Variants in CTNNA3 observed in about 807,000 individuals in gnomAD.
The protein encoded by CTNNA3 is catenin alpha-3.
A neutral mutation model predicts 95.7 loss-of-function variants in CTNNA3; 76 were observed. The ratio of observed to expected loss-of-function variants is 0.79; its 90% CI spans 0.66 to 0.96. The LOEUF (loss-of-function observed/expected upper bound fraction) is 0.96. CTNNA3 is among the 40% of genes least tolerant of loss of function. The pLI is 0.00. For missense variants in CTNNA3, 1,191 were observed against 1,089.8 expected (o/e 1.09, Z -1.31); for synonymous variants, 431 against 374.4 (o/e 1.15, Z -1.74).
In CTNNA3 at chr10:65,984,162, T is replaced by G. The variant is rs181689070; in HGVS notation, c.2265+4530A>C. ...GCTAGAATGTATTATTTTTGAAATA[T>G]TAAATTGATCAAAAGAGAAAGCAAC... is the stretch of plus-strand genomic sequence containing the variant. On this transcript the variant is annotated intron_variant, in intron 16 of 17. Transcript: ENST00000433211. Among the ~76,000 whole-genome samples the G allele has an allele frequency of 2.4e-3, 361 of 151,492 alleles. 2 individuals carry two copies. The highest frequency in any genetic ancestry group is 8.4e-3 in the African/African-American group (347 of 41,526).
intron 14 of CTNNA3, among the ~76,000 whole-genome samples, chr10:66,087,906 T>C (rs1309809273): frequency 6.6e-6 from 1 of 152,050 alleles, no homozygotes; most frequent in Non-Finnish European, 1.5e-5. Context: ...GTAGCCTCTA[T>C]CAAAAGATAG....
At chr10:67,293,858 AT>A (rs1839932415) in intron 5 of CTNNA3, among the ~76,000 whole-genome samples, 1 of 151,972 alleles carries the variant, frequency 6.6e-6, no homozygotes, top group Admixed American at 6.5e-5. Context: ...ATCATTTTTT[AT>A]GGCTTTATAG....
intron 13 of CTNNA3, among the ~76,000 whole-genome samples, chr10:66,114,790 A>G (rs1394310008): frequency 6.6e-6 from 1 of 151,880 alleles, no homozygotes; most frequent in Non-Finnish European, 1.5e-5. Context: ...GAAGCAGGAG[A>G]ATCACTTGAA....
intron 17 of CTNNA3, among the ~76,000 whole-genome samples, chr10:65,924,405 C>G (rs1055222745): frequency 6.6e-6 from 1 of 152,088 alleles, no homozygotes; most frequent in Non-Finnish European, 1.5e-5. Context: ...CATCCTTGAT[C>G]CTACACTTAT....
At chr10:66,264,908 G>C (rs2091109596) in intron 13 of CTNNA3, among the ~76,000 whole-genome samples, 1 of 151,992 alleles carries the variant, frequency 6.6e-6, no homozygotes, top group Non-Finnish European at 1.5e-5. Context: ...ATAATACTAA[G>C]AGCAAGCAAA....
intron 1 of CTNNA3, chr10:67,750,923 G>A: frequency 1.2e-6 from 2 of 1,609,988 alleles, no homozygotes; most frequent in Non-Finnish European, 1.7e-6. Flanking sequence ...AGCCCCCTAG[G>A]CTCTCCGGAT....
chr10:66,897,384 T>A (rs1845542135), intron 7 of CTNNA3, among the ~76,000 whole-genome samples: 1 of 152,112 alleles, frequency 6.6e-6, no homozygotes, highest in South Asian at 2.1e-4. Flanking sequence ...TGTGCTTTAC[T>A]TTGAGGTTTT....
chr10:66,851,045 A>G (rs1445264767), intron 7 of CTNNA3, among the ~76,000 whole-genome samples: 1 of 152,122 alleles, frequency 6.6e-6, no homozygotes, highest in Non-Finnish European at 1.5e-5. Context: ...TGCCCTGTGA[A>G]AGAAAGTCCA....
At chr10:67,573,713 C>T (rs1208269722) in intron 3 of CTNNA3, among the ~76,000 whole-genome samples, 1 of 151,568 alleles carries the variant, frequency 6.6e-6, no homozygotes, top group Admixed American at 6.6e-5. Flanking sequence ...TTCCTCTCTC[C>T]CTCCCTCCCT....
At chr10:67,285,611 A>G (rs1459687323) in intron 5 of CTNNA3, among the ~76,000 whole-genome samples, 1 of 152,264 alleles carries the variant, frequency 6.6e-6, no homozygotes, top group Non-Finnish European at 1.5e-5. Flanking sequence ...TGAATTTTTA[A>G]AGTAACACTT....
intron 13 of CTNNA3, among the ~76,000 whole-genome samples, chr10:66,202,454 C>A (rs2087489502): frequency 6.6e-6 from 1 of 152,134 alleles, no homozygotes; most frequent in African/African-American, 2.4e-5. Flanking sequence ...TTTACTTTTC[C>A]TTTTTCTGTC....
At chr10:67,398,939 G>A (rs539956799) in intron 5 of CTNNA3, among the ~76,000 whole-genome samples, 5 of 152,302 alleles carry the variant, frequency 3.3e-5, no homozygotes, top group Admixed American at 6.5e-5. Context: ...TGAACTGTGA[G>A]TCAATTAAGC....
chr10:66,631,341 C>T (rs1312851083), intron 9 of CTNNA3, among the ~76,000 whole-genome samples: 4 of 152,106 alleles, frequency 2.6e-5, no homozygotes, highest in African/African-American at 4.8e-5. Flanking sequence ...AGCTATCAGG[C>T]AACGTTCCTA....
At chr10:66,265,500 T>C (rs963614392) in intron 13 of CTNNA3, among the ~76,000 whole-genome samples, 1 of 152,044 alleles carries the variant, frequency 6.6e-6, no homozygotes, top group African/African-American at 2.4e-5. Flanking sequence ...CTAGCATGTA[T>C]GAAAATGTCA....
intron 13 of CTNNA3, among the ~76,000 whole-genome samples, chr10:66,275,176 G>T (rs2091366481): frequency 6.6e-6 from 1 of 152,012 alleles, no homozygotes; most frequent in Non-Finnish European, 1.5e-5. Flanking sequence ...GGAGTGCAAT[G>T]GCATGATCTC....
At chr10:66,956,616 T>C (rs10762122) in intron 7 of CTNNA3, among the ~76,000 whole-genome samples, 41,900 of 152,128 alleles carry the variant, frequency 0.28, 6,072 homozygotes, top group Middle Eastern at 0.34. Context: ...TCAAAAGGCA[T>C]AATGCTGTCA....
At chr10:66,020,119 A>G (rs993678340) in intron 15 of CTNNA3, among the ~76,000 whole-genome samples, 8 of 152,198 alleles carry the variant, frequency 5.3e-5, no homozygotes, top group African/African-American at 1.9e-4. Flanking sequence ...CTGTATTTCA[A>G]TTGTGTCAAT....
chr10:67,587,407 T>G lies in CTNNA3; in HGVS notation c.292+19450A>C, dbSNP rs371181860. Among the ~76,000 whole-genome samples the G allele has an allele frequency of 2.2e-4, 33 of 152,194 alleles. No individual in the cohort carries two copies. In the East Asian group the frequency reaches 2.7e-3, roughly 12 times the overall value. On this transcript the variant is annotated intron_variant, in intron 3 of 17. Coordinates refer to ENST00000433211, the MANE Select transcript of CTNNA3 (RefSeq NM_013266.4). ...ATTTCTTGTAGGTCTGGTCTGGTGG[T>G]GATGAATTCTCTTAGCATCTGCTTG...
intron 15 of CTNNA3, among the ~76,000 whole-genome samples, chr10:66,027,596 C>T (rs2133446120): frequency 6.6e-6 from 1 of 152,214 alleles, no homozygotes; most frequent in African/African-American, 2.4e-5. Context: ...CTTGACCTCC[C>T]TAAGTCATCT....
Sources: allele counts gnomAD v4.1 joint callset (sites outside exome capture counted in the v4.1 genomes callset), GRCh38; gene constraint gnomAD v4.1.1; transcripts MANE v1.5; gene names NCBI Gene and HGNC (gene_info 2026-07-23, HGNC 2026-07-21).